The following ANKRD45 variants were observed in gnomAD, a reference collection of about 807,000 sequenced individuals.
ANKRD45 encodes the protein ankyrin repeat domain-containing protein 45.
ANKRD45 carries 21 observed loss-of-function variants against 28.1 expected under a neutral mutation model. The ratio of observed to expected loss-of-function variants is 0.75; its 90% CI spans 0.53 to 1.08. The LOEUF is 1.08. Ranked by LOEUF, ANKRD45 falls within the 50% of genes least tolerant of loss-of-function variation. The pLI is 0.00. For missense variants in ANKRD45, 261 were observed against 308.7 expected (o/e 0.85, Z 1.16); for synonymous variants, 86 against 103.9 (o/e 0.83, Z 1.05).
the ANKRD45 span, among the ~76,000 whole-genome samples, chr1:173,693,903 A>G: frequency 6.6e-6 from 1 of 152,138 alleles, no homozygotes; most frequent in Non-Finnish European, 1.5e-5. Context: ...TTTAATACCA[A>G]ATTACTGGAA....
In ANKRD45 at chr1:173,646,835, A is replaced by C; in HGVS notation, c.496+11T>G. The C allele has an allele frequency of 1.2e-6, 2 of 1,611,742 alleles. No individual in the cohort carries two copies. Among genetic ancestry groups the C allele is most frequent in the East Asian group, 4.5e-5 (2 of 44,838 alleles). ...TCAGTCAGTTTGCTAACCCCTTGTG[A>C]GCTTCCTTACCTGCCCAGTCCAGGA... On this transcript the variant is annotated intron_variant, in intron 3 of 5. Coordinates refer to ENST00000333279, the MANE Select transcript of ANKRD45 (RefSeq NM_198493.3).
chr1:173,625,558 G>A (rs186925220), intron 4 of ANKRD45, among the ~76,000 whole-genome samples: 30 of 152,184 alleles, frequency 2.0e-4, no homozygotes, highest in Admixed American at 1.2e-3. Context: ...ACTATGGTCT[G>A]TAAAAATAAA....
intron 2 of ANKRD45, among the ~76,000 whole-genome samples, chr1:173,647,983 G>C (rs1445645532): frequency 6.6e-6 from 1 of 151,634 alleles, no homozygotes; most frequent in Non-Finnish European, 1.5e-5. Context: ...TTTCGCTGTT[G>C]CCAGGCTGGA....
chr1:173,680,702 AG>A, the ANKRD45 span, among the ~76,000 whole-genome samples: 1 of 152,176 alleles, frequency 6.6e-6, no homozygotes, highest in Non-Finnish European at 1.5e-5. Flanking sequence ...ACAATAACAA[AG>A]GCTTGAAACC....
intron 5 of ANKRD45, 102 bp downstream of exon 5, chr1:173,624,685 A>G: frequency 8.2e-7 from 1 of 1,215,054 alleles, no homozygotes; most frequent in Non-Finnish European, 1.1e-6. Flanking sequence ...GTTAATAACT[A>G]CTTAATGAAG....
At chr1:173,687,454 A>ACCC in the ANKRD45 span, among the ~76,000 whole-genome samples, 95 of 74,478 alleles carry the variant, frequency 1.3e-3, no homozygotes, top group Admixed American at 1.6e-3. Context: ...TATAAATTCT[A>ACCC]CCCCCCCCCC....
At chr1:173,705,353 A>C in the ANKRD45 span, among the ~76,000 whole-genome samples, 1 of 151,378 alleles carries the variant, frequency 6.6e-6, no homozygotes, top group Non-Finnish European at 1.5e-5. Flanking sequence ...TTAAGTAAAT[A>C]ATAAAATTTT....
intron 3 of ANKRD45, among the ~76,000 whole-genome samples, chr1:173,636,520 A>G (rs1032176148): frequency 1.3e-5 from 2 of 152,196 alleles, no homozygotes; most frequent in African/African-American, 2.4e-5. Context: ...GTTCTTTCAT[A>G]AACGAATACA....
chr1:173,652,350 T>A (rs973736950), intron 2 of ANKRD45, among the ~76,000 whole-genome samples: 1 of 152,216 alleles, frequency 6.6e-6, no homozygotes, highest in East Asian at 1.9e-4. Flanking sequence ...TCTGTTGAGA[T>A]AATCATGTGT....
At chr1:173,685,046 C>T in the ANKRD45 span, among the ~76,000 whole-genome samples, 8 of 152,232 alleles carry the variant, frequency 5.3e-5, no homozygotes, top group South Asian at 2.1e-4. Flanking sequence ...TCTTGCTTTA[C>T]GATGTTTTAT....
intron 3 of ANKRD45, chr1:173,637,081 A>G: frequency 8.1e-7 from 1 of 1,234,978 alleles, no homozygotes; most frequent in Non-Finnish European, 1.1e-6. Flanking sequence ...TAGATATCAC[A>G]AAAGAAATCT....
chr1:173,671,881 C>CA (rs1174957908), upstream of ANKRD45, among the ~76,000 whole-genome samples: 374 of 92,594 alleles, frequency 4.0e-3, 1 homozygote, highest in South Asian at 0.02. Flanking sequence ...GACTCCGTCT[C>CA]AAAAAAAAAA....
chr1:173,685,165 A>G, the ANKRD45 span, among the ~76,000 whole-genome samples: 1 of 152,206 alleles, frequency 6.6e-6, no homozygotes, highest in South Asian at 2.1e-4. Context: ...AAGATCCACC[A>G]CAATACCACC....
the ANKRD45 span, among the ~76,000 whole-genome samples, chr1:173,686,520 T>C: frequency 1.3e-5 from 2 of 152,156 alleles, no homozygotes; most frequent in African/African-American, 4.8e-5. Context: ...CACCCTTTGA[T>C]GAGAACATGA....
chr1:173,668,097 A>G (rs12087918), intron 1 of ANKRD45, among the ~76,000 whole-genome samples: 25,869 of 152,244 alleles, frequency 0.17, 7,324 homozygotes, highest in African/African-American at 0.59. Context: ...CAACATATGT[A>G]ATACTATATT....
intron 3 of ANKRD45, among the ~76,000 whole-genome samples, chr1:173,646,524 GTC>G (rs1668932608): frequency 6.6e-6 from 1 of 152,072 alleles, no homozygotes; most frequent in South Asian, 2.1e-4. Flanking sequence ...CTTTGCCTGA[GTC>G]TCTCAAAAAA....
intron 5 of ANKRD45, among the ~76,000 whole-genome samples, chr1:173,614,359 G>A (rs980754296): frequency 5.9e-5 from 9 of 152,178 alleles, no homozygotes; most frequent in East Asian, 1.9e-4. Context: ...GGGGCTCTAC[G>A]GCCACTATTT....
the ANKRD45 span, among the ~76,000 whole-genome samples, chr1:173,683,714 T>C: frequency 2.6e-5 from 4 of 152,038 alleles, no homozygotes; most frequent in Non-Finnish European, 2.9e-5. Context: ...TTTGAAAAGG[T>C]TGAGGATGCA....
chr1:173,692,342 G>T, the ANKRD45 span, among the ~76,000 whole-genome samples: 1 of 152,172 alleles, frequency 6.6e-6, no homozygotes, highest in Admixed American at 6.5e-5. Flanking sequence ...GTCTGGAAAG[G>T]TGGGACAACT....
Sources: allele counts gnomAD v4.1 joint callset (sites outside exome capture counted in the v4.1 genomes callset), GRCh38; gene constraint gnomAD v4.1.1; transcripts MANE v1.5; gene names NCBI Gene and HGNC (gene_info 2026-07-23, HGNC 2026-07-21).